AXIN1: variants seen among roughly 807,000 people sequenced by gnomAD.
AXIN1 encodes axin-1.
In AXIN1, 30 loss-of-function variants were observed where a neutral mutation model predicts 76.4. The observed-to-expected ratio is 0.39, with a 90% CI of 0.29 to 0.53. The LOEUF is 0.53. Among genes scored for constraint, AXIN1 ranks in the 20% least tolerant of loss-of-function variants. AXIN1 has a pLI of 0.66. For synonymous variants in AXIN1, 545 were observed against 501.4 expected (o/e 1.09, Z -1.16); for missense variants, 1,140 against 1,198.8 (o/e 0.95, Z 0.72).
intron 3 of AXIN1, among the ~76,000 whole-genome samples, chr16:310,888 A>G (rs3848361): frequency 0.44 from 67,265 of 152,100 alleles, 15,210 homozygotes; most frequent in South Asian, 0.65. Flanking sequence ...ACATTTCAGG[A>G]TTGCACAGTG....
intron 5 of AXIN1, among the ~76,000 whole-genome samples, chr16:302,462 T>C (rs887696099): frequency 6.6e-6 from 1 of 152,220 alleles, no homozygotes; most frequent in African/African-American, 2.4e-5. Flanking sequence ...ACAAACCCCT[T>C]CATGGGGAGC....
rs1345872169 is a variant in AXIN1, at chr16:310,045, G to A, written c.1044C>T (p.Ile348=). Residue 348 remains isoleucine (I), a synonymous_variant, in exon 4 of 11, where the codon ATC becomes ATT. Coordinates refer to ENST00000262320, the MANE Select transcript of AXIN1 (RefSeq NM_003502.4). ...GCATCTCCCTGCGGTGCTGCTTACG[G>A]ATCCTGTATGGGGGGATCCCATCCC... ...SSVDGIPPYR[I]RKQHRREMQE... 2 of 1,612,680 alleles carry A rather than the reference G, an allele frequency of 1.2e-6. No homozygotes were observed. Among genetic ancestry groups the A allele is most frequent in the Non-Finnish European group, 1.7e-6 (2 of 1,179,688 alleles).
Position 288,021 on chromosome 16 carries a change from CTG to C in AXIN1, c.*99_*100del, listed in dbSNP as rs2052433131. On this transcript the variant is annotated 3_prime_UTR_variant, in exon 11 of 11. Coordinates refer to ENST00000262320, the MANE Select transcript of AXIN1 (RefSeq NM_003502.4). Reference sequence around the variant, plus strand: ...ACAGGGATGGGTGGTACACCCAACACTGTTCCCCATCGGGCTCCTGAGTACGA... The same window carrying C: ...ACAGGGATGGGTGGTACACCCAACACTTCCCCATCGGGCTCCTGAGTACGA... 4 of 1,585,406 alleles carry C rather than the reference CTG, an allele frequency of 2.5e-6. No individual in the cohort carries two copies. In the East Asian group the frequency reaches 6.7e-5, roughly 27 times the overall value.
chr16:305,698 C>A (rs1035102902), intron 4 of AXIN1, among the ~76,000 whole-genome samples: 4 of 152,010 alleles, frequency 2.6e-5, no homozygotes, highest in Non-Finnish European at 5.9e-5. Context: ...CGCCTGCCAC[C>A]ATGCCCGGCT....
chr16:342,083 G>C (rs564176127), intron 2 of AXIN1, among the ~76,000 whole-genome samples: 11 of 152,314 alleles, frequency 7.2e-5, no homozygotes, highest in African/African-American at 2.4e-4. Flanking sequence ...GTGGTAACTC[G>C]CTCGGGTCCC....
At chr16:300,028 C>T (rs756749454) in intron 5 of AXIN1, among the ~76,000 whole-genome samples, 3 of 152,092 alleles carry the variant, frequency 2.0e-5, no homozygotes, top group Non-Finnish European at 2.9e-5. Context: ...CAATCTCCGC[C>T]TCCCGGGTTC....
intron 3 of AXIN1, among the ~76,000 whole-genome samples, chr16:311,104 A>C (rs1362591294): frequency 3.0e-3 from 4 of 1,312 alleles, no homozygotes; most frequent in Admixed American, 0.015. Context: ...GCGATCTCGG[A>C]TCACTGCAAG....
intron 1 of AXIN1, among the ~76,000 whole-genome samples, chr16:351,609 C>CAAAAA (rs3073808): frequency 0.026 from 3,737 of 144,360 alleles, 152 homozygotes; most frequent in African/African-American, 0.089. Flanking sequence ...GACTCCGTCT[C>CAAAAA]AAAAAAAAAA....
intron 1 of AXIN1, among the ~76,000 whole-genome samples, chr16:350,145 T>C (rs1272127625): frequency 6.6e-6 from 1 of 152,224 alleles, no homozygotes; most frequent in Non-Finnish European, 1.5e-5. Context: ...GAAAATTTTC[T>C]TACAATCATG....
chr16:337,148 TCAAAAAA>T (rs2053822901), intron 2 of AXIN1, among the ~76,000 whole-genome samples: 1 of 29,002 alleles, frequency 3.4e-5, no homozygotes, highest in African/African-American at 1.8e-4. Flanking sequence ...AGACCCCGTC[TCAAAAAA>T]AAAAAAAAAA....
At chr16:299,707 G>A (rs2052816686) in intron 5 of AXIN1, among the ~76,000 whole-genome samples, 1 of 151,612 alleles carries the variant, frequency 6.6e-6, no homozygotes, top group South Asian at 2.1e-4. Context: ...CCAGGCTGGA[G>A]TGCAGTGGCA....
At chr16:319,483 T>C (rs1440128719) in intron 2 of AXIN1, among the ~76,000 whole-genome samples, 2 of 152,146 alleles carry the variant, frequency 1.3e-5, no homozygotes, top group African/African-American at 2.4e-5. Context: ...CCTGTGGGGT[T>C]TGACAGCTAC....
chr16:291,377 G>A (rs574157656), intron 8 of AXIN1, 80 bp from the exon 9 acceptor site: 54 of 1,234,722 alleles, frequency 4.4e-5, no homozygotes, highest in South Asian at 7.7e-5. Flanking sequence ...ATGCTGCTGC[G>A]CAGGGACGGA....
At chr16:310,964 C>T (rs1221797342) in intron 3 of AXIN1, among the ~76,000 whole-genome samples, 1 of 152,262 alleles carries the variant, frequency 6.6e-6, no homozygotes, top group Non-Finnish European at 1.5e-5. Context: ...CTCTGCTTCT[C>T]TCCAGGAGCT....
chr16:325,152 C>T (rs895904457), intron 2 of AXIN1, among the ~76,000 whole-genome samples: 1 of 150,860 alleles, frequency 6.6e-6, no homozygotes, highest in Non-Finnish European at 1.5e-5. Context: ...GCCCCGCGGG[C>T]GGCCCCGCAC....
chr16:314,823 A>T, intron 2 of AXIN1, 140 bp from the exon 3 acceptor site: 1 of 1,235,812 alleles, frequency 8.1e-7, no homozygotes, highest in African/African-American at 1.5e-5. Context: ...AGCATGGAGA[A>T]AAGACCAACA....
chr16:336,764 C>G (rs897487409), intron 2 of AXIN1, among the ~76,000 whole-genome samples: 8 of 147,110 alleles, frequency 5.4e-5, no homozygotes, highest in Non-Finnish European at 7.4e-5. Flanking sequence ...TTGCAGTGAG[C>G]TGAGGTTGCA....
Position 347,568 on chromosome 16 carries a change from G to A in AXIN1, c.-81-462C>T, listed in dbSNP as rs1036978250. On this transcript the variant is annotated intron_variant, in intron 1 of 10. Transcript: ENST00000262320. Reference sequence around the variant, plus strand: ...GCTCCACCAGCCCCAGCAACACTCAGAGAGAAAGGAAGGTGCGCTACAGCC... The same window carrying A: ...GCTCCACCAGCCCCAGCAACACTCAAAGAGAAAGGAAGGTGCGCTACAGCC... Among the ~76,000 whole-genome samples the A allele has an allele frequency of 4.6e-5, 7 of 152,352 alleles. No individual in the cohort carries two copies. In the South Asian group the frequency reaches 1.2e-3, roughly 27 times the overall value.
rs1377084693 is a variant in AXIN1 at position 288,033 on chromosome 16, G to T, written c.*89C>A. On this transcript the variant is annotated 3_prime_UTR_variant, in exon 11 of 11. Transcript: ENST00000262320. ...GGTACACCCAACACTGTTCCCCATCGGGCTCCTGAGTACGAGGTCATCTGC... is the reference window on the plus strand; with the variant it reads ...GGTACACCCAACACTGTTCCCCATCTGGCTCCTGAGTACGAGGTCATCTGC... 1 of 1,597,466 alleles carries T rather than the reference G, an allele frequency of 6.3e-7. No homozygotes were observed. The highest frequency in any genetic ancestry group is 8.5e-7 in the Non-Finnish European group (1 of 1,171,906).
Sources: gnomAD v4.1 joint callset for allele counts (sites outside exome capture counted in the v4.1 genomes callset) on GRCh38, gnomAD v4.1.1 for gene constraint, MANE v1.5 for transcripts, NCBI Gene and HGNC (gene_info 2026-07-23, HGNC 2026-07-21) for gene names.